ATP11B: variants seen among roughly 807,000 people sequenced by gnomAD.
The protein encoded by ATP11B is ATPase phospholipid transporting 11B (putative).
ATP11B carries 81 observed loss-of-function variants against 157.8 expected under a neutral mutation model. The observed-to-expected ratio is 0.51, with a 90% CI of 0.43 to 0.62. The LOEUF (loss-of-function observed/expected upper bound fraction) is 0.62, where lower values mean the gene tolerates loss of function less well. Ranked by LOEUF, ATP11B falls within the 20% of genes least tolerant of loss-of-function variation. The probability of loss-of-function intolerance (pLI) is 0.00; values close to 1 mark genes in which losing one functional copy is unlikely to be tolerated. For missense variants in ATP11B, 1,165 were observed against 1,402.2 expected (o/e 0.83, Z 2.70); for synonymous variants, 451 against 469.4 (o/e 0.96, Z 0.51).
At chr3:182,852,843 AAC>A (rs1720085362) in intron 10 of ATP11B, among the ~76,000 whole-genome samples, 1 of 152,222 alleles carries the variant, frequency 6.6e-6, no homozygotes, top group Admixed American at 6.5e-5. Flanking sequence ...TGATAGCTTA[AAC>A]TTCATCGAAA....
Position 182,828,287 on chromosome 3 carries a change from G to C in ATP11B, c.234+78G>C, listed in dbSNP as rs901239165. 8 of 689,840 alleles carry C rather than the reference G, an allele frequency of 1.2e-5. No individual in the cohort carries two copies. In the South Asian group the frequency reaches 1.3e-4, roughly 12 times the overall value. The allele number at this position is 689,840 out of a possible 1,614,324, so 42.7% of individuals were successfully genotyped here. On this transcript the variant is annotated intron_variant, in intron 3 of 29. Transcript: ENST00000323116. ...TCTTGGAACAAAGAAAAATTACATT[G>C]TGTTGCTAATCATTTGACCATGTGA...
chr3:182,833,323 C>A (rs1718292873), intron 4 of ATP11B, among the ~76,000 whole-genome samples: 1 of 151,918 alleles, frequency 6.6e-6, no homozygotes, highest in Non-Finnish European at 1.5e-5. Context: ...TAACAAAGGG[C>A]CTATGTCCTT....
intron 1 of ATP11B, among the ~76,000 whole-genome samples, chr3:182,804,870 G>C (rs778394834): frequency 2.0e-5 from 3 of 152,082 alleles, no homozygotes; most frequent in Non-Finnish European, 4.4e-5. Context: ...AAATGTCATC[G>C]TACCATATAT....
chr3:182,881,824 A>G lies in ATP11B; in HGVS notation c.2509+843A>G, dbSNP rs549867581. Among the ~76,000 whole-genome samples the G allele has an allele frequency of 9.2e-5, 14 of 152,302 alleles. No homozygotes were observed. In the South Asian group the frequency reaches 2.3e-3, roughly 25 times the overall value. ...TTACCGTTACTCAGTGTATTTGTGCATCTAAAGATCCTACAGCGCATTTTA... is the reference window on the plus strand; with the variant it reads ...TTACCGTTACTCAGTGTATTTGTGCGTCTAAAGATCCTACAGCGCATTTTA... On this transcript the variant is annotated intron_variant, in intron 21 of 29. Transcript: ENST00000323116.
At position 182,869,272 on chromosome 3, in the gene ATP11B, C is replaced by T. The variant is rs1721473382; in HGVS notation, c.1807C>T (p.Pro603Ser). The T allele has an allele frequency of 6.2e-7, 1 of 1,610,298 alleles. No homozygotes were observed. The highest frequency in any genetic ancestry group is 8.5e-7 in the Non-Finnish European group (1 of 1,178,418). ...TAAAGGAGCTGAGTCATCAATTCTC[C>T]CTAAATGTATAGGTGGAGAAATAGA... ...FAKGAESSIL[P>S]KCIGGEIEKT... The change falls in exon 17 of 30, where the codon CCT (proline) becomes TCT (serine). Residue 603 changes from proline to serine, a missense_variant. By Grantham distance (74) the Pro-to-Ser change is moderately conservative (BLOSUM62 -1). Transcript: ENST00000323116.
At position 182,898,501 on chromosome 3, in the gene ATP11B, A is replaced by G. The variant is rs1406887303; in HGVS notation, c.3153-106A>G. ...AATTATACTGATTTCAGTTTTGAAC[A>G]TTTTCTTGGAGTACTTGTTACTTTC... On this transcript the variant is annotated intron_variant, in intron 27 of 29. Coordinates refer to ENST00000323116, the MANE Select transcript of ATP11B (RefSeq NM_014616.3). 8.9e-6 allele frequency: 7 copies of G among 787,686 alleles called. No individual in the cohort carries two copies. The East Asian group carries it at 1.5e-4, about 17-fold the overall frequency. 48.8% of individuals were successfully genotyped at this position (787,686 alleles called of 1,614,324 possible). A position where few individuals can be genotyped will look rare whatever the true frequency, so the allele number is the denominator to read the frequency against.
chr3:182,851,313 A>G (rs373038742), intron 10 of ATP11B, among the ~76,000 whole-genome samples: 1 of 152,166 alleles, frequency 6.6e-6, no homozygotes, highest in African/African-American at 2.4e-5. Context: ...AAGACTCTTT[A>G]TAAATATTTT....
intron 1 of ATP11B, among the ~76,000 whole-genome samples, chr3:182,816,987 T>A (rs1717003574): frequency 6.6e-6 from 1 of 152,200 alleles, no homozygotes; most frequent in Admixed American, 6.5e-5. Context: ...GCTGTACTTA[T>A]ACTATAGACA....
At chr3:182,909,865 A>G (rs1336924721) in intron 28 of ATP11B, among the ~76,000 whole-genome samples, 1 of 151,990 alleles carries the variant, frequency 6.6e-6, no homozygotes, top group Non-Finnish European at 1.5e-5. Context: ...GAAGATTGAG[A>G]CCAGCCTGGG....
intron 28 of ATP11B, chr3:182,906,052 GTT>G (rs1724327782): frequency 3.2e-6 from 1 of 313,960 alleles, no homozygotes; most frequent in African/African-American, 2.2e-5. Context: ...TGTTGTTTTA[GTT>G]TCGTTGTTTT....
chr3:182,841,842 G>A (rs1719049261), intron 7 of ATP11B, among the ~76,000 whole-genome samples: 1 of 151,778 alleles, frequency 6.6e-6, no homozygotes, highest in Non-Finnish European at 1.5e-5. Context: ...AGCCAGGTGT[G>A]GTGGCGGGCA....
intron 1 of ATP11B, among the ~76,000 whole-genome samples, chr3:182,809,235 CTTTTA>C (rs1164905130): frequency 1.3e-5 from 2 of 151,644 alleles, no homozygotes; most frequent in Admixed American, 6.6e-5. Flanking sequence ...TATTTTATTT[CTTTTA>C]TTTAATTTTA....
intron 13 of ATP11B, among the ~76,000 whole-genome samples, 168 bp downstream of exon 13, chr3:182,865,866 A>G (rs1016059542): frequency 3.0e-4 from 45 of 152,340 alleles, no homozygotes; most frequent in African/African-American, 1.1e-3. Flanking sequence ...ATTTGTTGTT[A>G]CAGCCCAGTT....
rs112752278 is a variant in ATP11B, at chr3:182,898,798, A to G, written c.3318+26A>G. On this transcript the variant is annotated intron_variant, in intron 28 of 29. Transcript: ENST00000323116. ...GTAACCACTTTTTATAATAAATTCA[A>G]TATCTTTTTAGTTAGGGATCTTTAA... 1.3e-3 allele frequency: 1,834 copies of G among 1,407,862 alleles called. 19 individuals carry two copies. In the African/African-American group the frequency reaches 0.023, roughly 17 times the overall value. The allele number at this position is 1,407,862 out of a possible 1,614,324, so 87.2% of individuals were successfully genotyped here.
rs183238481 is a variant in ATP11B at position 182,838,323 on chromosome 3, T to A, written c.656+1149T>A. Among the ~76,000 whole-genome samples, 29 of 152,044 alleles carry A rather than the reference T, an allele frequency of 1.9e-4. No homozygotes were observed. In the East Asian group the frequency reaches 5.2e-3, roughly 27 times the overall value. ...ATCCTGGTCTGAGGCAATGGCAGAT[T>A]GTAAAATAATTATTAAAAACCAGAA... On this transcript the variant is annotated intron_variant, in intron 7 of 29. Coordinates refer to ENST00000323116, the MANE Select transcript of ATP11B (RefSeq NM_014616.3).
At chr3:182,805,588 G>A (rs1716277428) in intron 1 of ATP11B, among the ~76,000 whole-genome samples, 1 of 150,894 alleles carries the variant, frequency 6.6e-6, no homozygotes, top group Non-Finnish European at 1.5e-5. Flanking sequence ...CCAAGTAGCT[G>A]GTATTATAGG....
chr3:182,803,225 C>T (rs1716119625), intron 1 of ATP11B, among the ~76,000 whole-genome samples: 1 of 152,166 alleles, frequency 6.6e-6, no homozygotes, highest in African/African-American at 2.4e-5. Context: ...ACACTTTGTA[C>T]TGTCAGACTT....
intron 1 of ATP11B, among the ~76,000 whole-genome samples, chr3:182,809,481 T>A (rs956616121): frequency 1.3e-5 from 2 of 152,204 alleles, no homozygotes; most frequent in African/African-American, 2.4e-5. Flanking sequence ...ACTCCTGGCC[T>A]CAAGCGATCT....
At chr3:182,862,487 C>A (rs890733016) in intron 12 of ATP11B, among the ~76,000 whole-genome samples, 3 of 152,100 alleles carry the variant, frequency 2.0e-5, no homozygotes, top group Non-Finnish European at 4.4e-5. Flanking sequence ...AGATTCTGTC[C>A]AGTTCAGCCT....
Sources: allele counts gnomAD v4.1 joint callset (sites outside exome capture counted in the v4.1 genomes callset), GRCh38; gene constraint gnomAD v4.1.1; transcripts MANE v1.5; gene names NCBI Gene and HGNC (gene_info 2026-07-23, HGNC 2026-07-21).